The following GIGYF2 variants were observed in gnomAD, a reference collection of about 807,000 sequenced individuals.
GIGYF2 encodes GRB10 interacting GYF protein 2.
A neutral mutation model predicts 208.1 loss-of-function variants in GIGYF2; 25 were observed. The ratio of observed to expected loss-of-function variants is 0.12; its 90% CI spans 0.09 to 0.17. The LOEUF is 0.17. GIGYF2 is among the 10% of genes least tolerant of loss of function. The pLI, the probability that GIGYF2 is intolerant of heterozygous loss-of-function variation, is 1.00. For missense variants in GIGYF2, 1,302 were observed against 1,579.4 expected (o/e 0.82, Z 2.98); for synonymous variants, 534 against 543.8 (o/e 0.98, Z 0.25).
chr2:232,789,567 A>G (rs559646635), intron 9 of GIGYF2, among the ~76,000 whole-genome samples: 1 of 152,054 alleles, frequency 6.6e-6, no homozygotes, highest in East Asian at 1.9e-4. Context: ...TGGGACTAAG[A>G]TTTCTTTTTT....
At chr2:232,816,716 CAT>C (rs1183058625) in intron 19 of GIGYF2, among the ~76,000 whole-genome samples, 153 bp from the exon 20 acceptor site, 3 of 152,094 alleles carry the variant, frequency 2.0e-5, no homozygotes, top group Non-Finnish European at 4.4e-5. Flanking sequence ...ATGTATATAA[CAT>C]ATTTTGTTTA....
intron 2 of GIGYF2, among the ~76,000 whole-genome samples, chr2:232,704,671 A>G (rs1008437223): frequency 3.9e-5 from 6 of 152,118 alleles, no homozygotes; most frequent in African/African-American, 1.4e-4. Context: ...TGCTGGGATT[A>G]CAGGTGTGAG....
intron 12 of GIGYF2, 111 bp from the exon 13 acceptor site, chr2:232,794,637 C>T: frequency 1.2e-6 from 1 of 825,506 alleles, no homozygotes; most frequent in South Asian, 1.4e-5. Flanking sequence ...CATGACAGGG[C>T]TCACGTTTTC....
In GIGYF2 at chr2:232,713,468, G is replaced by A. The variant is rs568699904; in HGVS notation, c.-44+9979G>A. On this transcript the variant is annotated intron_variant, in intron 2 of 28. Coordinates refer to ENST00000373563, the MANE Select transcript of GIGYF2 (RefSeq NM_001103146.3). ...TTACAGAAAATTGAGAAGATAGTGCGGAATTCCAGTTATTAACATCTTACA... is the reference window on the plus strand; with the variant it reads ...TTACAGAAAATTGAGAAGATAGTGCAGAATTCCAGTTATTAACATCTTACA... 4.6e-5 allele frequency among the ~76,000 whole-genome samples: 7 copies of A among 152,240 alleles called. No individual in the cohort carries two copies. The South Asian group carries it at 1.0e-3, about 23-fold the overall frequency.
At chr2:232,757,772 C>A (rs867370921) in intron 6 of GIGYF2, among the ~76,000 whole-genome samples, 2 of 135,614 alleles carry the variant, frequency 1.5e-5, no homozygotes, top group Admixed American at 7.1e-5. Flanking sequence ...GAACAGCACC[C>A]CCCGCCCCCC....
intron 25 of GIGYF2, 66 bp from the exon 26 acceptor site, chr2:232,845,665 GT>G: frequency 7.7e-7 from 1 of 1,306,786 alleles, no homozygotes; most frequent in Admixed American, 1.7e-5. Flanking sequence ...ATTATTTATG[GT>G]GTTGTACTAT....
chr2:232,756,360 T>C (rs1698541797), intron 6 of GIGYF2, 26 bp downstream of exon 6: 1 of 1,196,672 alleles, frequency 8.4e-7, no homozygotes, highest in Non-Finnish European at 1.2e-6. Flanking sequence ...AAAAAAGTAA[T>C]AATGGAGGAG....
chr2:232,854,085 T>G (rs1690459091), intron 28 of GIGYF2, among the ~76,000 whole-genome samples: 1 of 152,234 alleles, frequency 6.6e-6, no homozygotes, highest in Non-Finnish European at 1.5e-5. Context: ...TTTTATCTGT[T>G]CTTAAGATAC....
chr2:232,779,261 T>C (rs1225569778), intron 8 of GIGYF2, among the ~76,000 whole-genome samples: 1 of 152,188 alleles, frequency 6.6e-6, no homozygotes, highest in African/African-American at 2.4e-5. Context: ...TGTTCATAGA[T>C]TGATGGATTG....
chr2:232,801,336 C>G (rs554222019), intron 14 of GIGYF2, among the ~76,000 whole-genome samples: 1 of 152,184 alleles, frequency 6.6e-6, no homozygotes, highest in Admixed American at 6.5e-5. Context: ...CGAGACCAGC[C>G]TGGGCAACAC....
intron 4 of GIGYF2, among the ~76,000 whole-genome samples, chr2:232,748,496 G>A (rs1377411388): frequency 1.3e-5 from 2 of 152,170 alleles, no homozygotes; most frequent in African/African-American, 4.8e-5. Context: ...TGTTGGCCAG[G>A]CTGGTCTCCA....
At chr2:232,784,044 A>G (rs283479) in intron 8 of GIGYF2, among the ~76,000 whole-genome samples, 46,446 of 151,976 alleles carry the variant, frequency 0.31, 7,424 homozygotes, top group South Asian at 0.62. Flanking sequence ...ACCAGTAACA[A>G]TTACATACAA....
At chr2:232,759,369 T>A (rs1273290738) in intron 6 of GIGYF2, among the ~76,000 whole-genome samples, 1 of 131,400 alleles carries the variant, frequency 7.6e-6, no homozygotes, top group Non-Finnish European at 1.6e-5. Context: ...CCTCCTCCCC[T>A]CCTCTCATTT....
At chr2:232,778,399 C>G (rs761685942) in intron 8 of GIGYF2, among the ~76,000 whole-genome samples, 1 of 152,186 alleles carries the variant, frequency 6.6e-6, no homozygotes, top group Non-Finnish European at 1.5e-5. Flanking sequence ...TTCTGGATCT[C>G]TACAATTTGA....
chr2:232,755,181 G>GT lies in GIGYF2; in HGVS notation c.268-1035dup, dbSNP rs370414737. 5.2e-3 allele frequency among the ~76,000 whole-genome samples: 784 copies of GT among 152,060 alleles called. 4 individuals carry two copies. Among genetic ancestry groups the GT allele is most frequent in the African/African-American group, 0.018 (758 of 41,504 alleles). ...TTTTTTACCTTACTTCTTTCTTTCT[G>GT]TTTTTTTGAGACGGAGTCTTGCTCT... On this transcript the variant is annotated intron_variant, in intron 5 of 28. Transcript: ENST00000373563.
intron 18 of GIGYF2, among the ~76,000 whole-genome samples, chr2:232,814,667 TA>T (rs142049835): frequency 0.093 from 14,097 of 151,182 alleles, 900 homozygotes; most frequent in East Asian, 0.17. Context: ...GATAGCTCAT[TA>T]TGTATATGCA....
chr2:232,761,509 G>C, intron 8 of GIGYF2, 73 bp downstream of exon 8: 1 of 850,410 alleles, frequency 1.2e-6, no homozygotes. Flanking sequence ...CTCTCCAGTA[G>C]ATGGGGCTGC....
intron 8 of GIGYF2, among the ~76,000 whole-genome samples, chr2:232,774,162 A>G (rs904959857): frequency 1.3e-5 from 2 of 151,988 alleles, no homozygotes; most frequent in African/African-American, 4.8e-5. Context: ...ATGAGGTAGT[A>G]AGTGGTGGAT....
intron 2 of GIGYF2, among the ~76,000 whole-genome samples, chr2:232,721,428 G>T (rs1696938232): frequency 6.6e-6 from 1 of 152,148 alleles, no homozygotes. Flanking sequence ...AAGCCCATCT[G>T]CCCTGGTAAT....
Sources: gnomAD v4.1 joint callset for allele counts (sites outside exome capture counted in the v4.1 genomes callset) on GRCh38, gnomAD v4.1.1 for gene constraint, MANE v1.5 for transcripts, NCBI Gene and HGNC (gene_info 2026-07-23, HGNC 2026-07-21) for gene names.